The following NELL1 variants were observed in gnomAD, a reference collection of about 807,000 sequenced individuals.
The protein encoded by NELL1 is neural EGFL like 1.
In NELL1, 76 loss-of-function variants were observed where a neutral mutation model predicts 107.4. That is an observed-to-expected ratio of 0.71 (90% confidence interval 0.59 to 0.86). The LOEUF (loss-of-function observed/expected upper bound fraction) is 0.86, where lower values mean the gene tolerates loss of function less well. Ranked by LOEUF, NELL1 falls within the 40% of genes least tolerant of loss-of-function variation. The probability of loss-of-function intolerance (pLI) is 0.00; values close to 1 mark genes in which losing one functional copy is unlikely to be tolerated. For missense variants in NELL1, 1,024 were observed against 1,005.5 expected (o/e 1.02, Z -0.25); for synonymous variants, 353 against 341.2 (o/e 1.03, Z -0.38).
intron 15 of NELL1, among the ~76,000 whole-genome samples, chr11:21,453,564 TTTTTC>T (rs1853641691): frequency 6.6e-6 from 1 of 152,110 alleles, no homozygotes. Flanking sequence ...GTCTTGTTTT[TTTTTC>T]TTTTATTCCA....
intron 15 of NELL1, among the ~76,000 whole-genome samples, chr11:21,439,768 T>C (rs902752862): frequency 6.6e-6 from 1 of 152,162 alleles, no homozygotes; most frequent in Non-Finnish European, 1.5e-5. Context: ...TATTTAATTC[T>C]TTAAGGAAGT....
intron 17 of NELL1, among the ~76,000 whole-genome samples, 160 bp downstream of exon 17, chr11:21,560,542 AG>A (rs1266965327): frequency 3.3e-5 from 5 of 152,080 alleles, no homozygotes; most frequent in Non-Finnish European, 7.4e-5. Flanking sequence ...GCTAAGGGGT[AG>A]GGAAGCCTGC....
chr11:21,180,323 G>A (rs969389886), intron 13 of NELL1, among the ~76,000 whole-genome samples: 2 of 151,700 alleles, frequency 1.3e-5, no homozygotes, highest in Non-Finnish European at 2.9e-5. Context: ...GGTGTTAATT[G>A]GAAAACAAAT....
intron 19 of NELL1, 72 bp from the exon 20 acceptor site, chr11:21,574,896 TTGAG>T (rs1857186001): frequency 8.0e-7 from 1 of 1,252,574 alleles, no homozygotes. Context: ...GAAAGTTGTT[TTGAG>T]TATAAAAATT....
chr11:21,543,280 A>G (rs569524373), intron 16 of NELL1, among the ~76,000 whole-genome samples: 28 of 152,172 alleles, frequency 1.8e-4, no homozygotes, highest in Admixed American at 1.3e-4. Flanking sequence ...AAAGTACTAA[A>G]TTCTGTATTA....
intron 5 of NELL1, among the ~76,000 whole-genome samples, chr11:20,889,369 A>G (rs1849571338): frequency 6.6e-6 from 1 of 152,232 alleles, no homozygotes; most frequent in African/African-American, 2.4e-5. Flanking sequence ...TAACTTTCAA[A>G]TGTAGTAGTA....
At chr11:21,396,681 T>C (rs2133790800) in intron 15 of NELL1, among the ~76,000 whole-genome samples, 1 of 151,810 alleles carries the variant, frequency 6.6e-6, no homozygotes, top group Admixed American at 6.6e-5. Context: ...GGTTTAGATC[T>C]TTGGTAGGGT....
intron 2 of NELL1, among the ~76,000 whole-genome samples, chr11:20,768,370 C>A (rs1856576465): frequency 6.6e-6 from 1 of 152,188 alleles, no homozygotes; most frequent in Admixed American, 6.5e-5. Flanking sequence ...ACAAGGATGG[C>A]CCATGTGGGT....
At chr11:21,340,442 G>T (rs771366278) in intron 14 of NELL1, among the ~76,000 whole-genome samples, 1 of 152,094 alleles carries the variant, frequency 6.6e-6, no homozygotes, top group Non-Finnish European at 1.5e-5. Context: ...GTGAGCCACC[G>T]CGCCCAGCCA....
At chr11:21,568,944 C>T (rs959658008) in intron 17 of NELL1, among the ~76,000 whole-genome samples, 1 of 151,374 alleles carries the variant, frequency 6.6e-6, no homozygotes, top group South Asian at 2.1e-4. Context: ...AATACATAAA[C>T]CAGTAACCTA....
intron 12 of NELL1, among the ~76,000 whole-genome samples, chr11:21,090,231 T>C (rs1219490948): frequency 6.6e-6 from 1 of 152,208 alleles, no homozygotes; most frequent in Non-Finnish European, 1.5e-5. Context: ...CTAGTTCATC[T>C]TTCCAGTATT....
At chr11:21,275,397 G>A (rs1223405062) in intron 14 of NELL1, among the ~76,000 whole-genome samples, 2 of 152,106 alleles carry the variant, frequency 1.3e-5, no homozygotes, top group Admixed American at 6.6e-5. Flanking sequence ...CTGAAATTGA[G>A]GCAATAATTA....
At chr11:20,786,765 T>C (rs1328007807) in intron 3 of NELL1, among the ~76,000 whole-genome samples, 7 of 151,854 alleles carry the variant, frequency 4.6e-5, no homozygotes, top group Non-Finnish European at 8.8e-5. Context: ...TCCCAGCACT[T>C]TGGGAGGCCA....
intron 2 of NELL1, among the ~76,000 whole-genome samples, chr11:20,764,449 A>G (rs1410833782): frequency 6.6e-6 from 1 of 152,156 alleles, no homozygotes; most frequent in Admixed American, 6.5e-5. Context: ...CTGAGGCTGC[A>G]TCTGGCCTGA....
At chr11:21,281,362 G>C (rs1848989478) in intron 14 of NELL1, among the ~76,000 whole-genome samples, 1 of 152,040 alleles carries the variant, frequency 6.6e-6, no homozygotes. Context: ...TGTGTCTTAT[G>C]ATTTGAGTGC....
intron 14 of NELL1, among the ~76,000 whole-genome samples, chr11:21,354,124 G>A (rs1328594536): frequency 1.2e-4 from 19 of 152,098 alleles, no homozygotes; most frequent in Admixed American, 1.0e-3. Flanking sequence ...TTCTAGATGA[G>A]CCCAATGTCA....
intron 13 of NELL1, among the ~76,000 whole-genome samples, chr11:21,118,797 T>C (rs1855296299): frequency 6.6e-6 from 1 of 152,074 alleles, no homozygotes; most frequent in African/African-American, 2.4e-5. Flanking sequence ...TTTTTTCCTT[T>C]CTTTTGCTGT....
chr11:21,039,321 G>T (rs749838663), intron 12 of NELL1, among the ~76,000 whole-genome samples: 3 of 152,034 alleles, frequency 2.0e-5, no homozygotes, highest in African/African-American at 2.4e-5. Flanking sequence ...AAGTAGATGG[G>T]ATTACAAGCA....
chr11:20,780,683 G>A (rs999104820), intron 2 of NELL1, among the ~76,000 whole-genome samples: 3 of 152,174 alleles, frequency 2.0e-5, no homozygotes, highest in Admixed American at 6.5e-5. Context: ...TACCCAGACT[G>A]GAGCATTAGA....
Sources: gnomAD v4.1 joint callset for allele counts (sites outside exome capture counted in the v4.1 genomes callset) on GRCh38, gnomAD v4.1.1 for gene constraint, MANE v1.5 for transcripts, NCBI Gene and HGNC (gene_info 2026-07-23, HGNC 2026-07-21) for gene names.